The following IQCH variants were observed in gnomAD, a reference collection of about 807,000 sequenced individuals.
IQCH encodes IQ motif containing H.
Under a neutral mutation model 117.0 loss-of-function variants are expected in IQCH, and 98 were observed. That is an observed-to-expected ratio of 0.84 (90% confidence interval 0.71 to 0.99). The LOEUF is 0.99. Ranked by LOEUF, IQCH falls within the 50% of genes least tolerant of loss-of-function variation. The probability of loss-of-function intolerance (pLI) is 0.00; values close to 1 mark genes in which losing one functional copy is unlikely to be tolerated. For missense variants in IQCH, 1,102 were observed against 1,243.8 expected, an observed-to-expected ratio of 0.89 and a Z score of 1.72; for synonymous variants, 412 against 448.2, an observed-to-expected ratio of 0.92 and a Z score of 1.02.
At chr15:67,281,198 G>A (rs1407116914) in intron 4 of IQCH, among the ~76,000 whole-genome samples, 2 of 151,932 alleles carry the variant, frequency 1.3e-5, no homozygotes, top group Non-Finnish European at 2.9e-5. Flanking sequence ...GCTTAATGAG[G>A]GCAGTAACTG....
intron 16 of IQCH, among the ~76,000 whole-genome samples, chr15:67,451,909 T>C (rs2082537435): frequency 6.6e-6 from 1 of 152,244 alleles, no homozygotes; most frequent in Non-Finnish European, 1.5e-5. Flanking sequence ...TGGGTGCTCC[T>C]GTATTGGGTG....
intron 15 of IQCH, among the ~76,000 whole-genome samples, chr15:67,419,629 C>G (rs749701458): frequency 6.6e-6 from 1 of 152,218 alleles, no homozygotes; most frequent in Non-Finnish European, 1.5e-5. Flanking sequence ...TTATAGCTCA[C>G]TGCAGCCTTG....
intron 10 of IQCH, among the ~76,000 whole-genome samples, chr15:67,377,776 G>T (rs1433180845): frequency 6.6e-6 from 1 of 152,088 alleles, no homozygotes. Context: ...AAAAATAGAG[G>T]TGGGATTTTT....
chr15:67,397,664 T>C (rs993126207), intron 13 of IQCH, among the ~76,000 whole-genome samples: 1 of 152,200 alleles, frequency 6.6e-6, no homozygotes, highest in Non-Finnish European at 1.5e-5. Flanking sequence ...TATTTTAACT[T>C]AGGTTATTAT....
intron 12 of IQCH, among the ~76,000 whole-genome samples, chr15:67,389,794 G>A (rs777141409): frequency 4.7e-5 from 7 of 149,854 alleles, no homozygotes; most frequent in Non-Finnish European, 1.0e-4. Flanking sequence ...TATCGCCAAC[G>A]TGATTGCATG....
At chr15:67,418,459 A>G (rs2081631410) in intron 15 of IQCH, among the ~76,000 whole-genome samples, 1 of 151,438 alleles carries the variant, frequency 6.6e-6, no homozygotes. Flanking sequence ...ACCCACTGAT[A>G]GACAAGTAAG....
intron 16 of IQCH, among the ~76,000 whole-genome samples, chr15:67,464,437 A>AT (rs1284517475): frequency 6.6e-6 from 1 of 152,212 alleles, no homozygotes; most frequent in Non-Finnish European, 1.5e-5. Context: ...ACCAATGTCT[A>AT]TTTTTTAAAG....
chr15:67,363,737 T>A (rs532810467), intron 8 of IQCH, among the ~76,000 whole-genome samples: 14 of 152,284 alleles, frequency 9.2e-5, no homozygotes, highest in African/African-American at 3.4e-4. Flanking sequence ...TAGGCCCCTG[T>A]GTCATTCCCT....
Position 67,425,773 on chromosome 15 carries a change from G to A in IQCH, c.2505+4196G>A, listed in dbSNP as rs1481702113. Among the ~76,000 whole-genome samples the A allele has an allele frequency of 6.6e-6, 1 of 151,976 alleles. No individual in the cohort carries two copies. Among genetic ancestry groups the A allele is most frequent in the Non-Finnish European group, 1.5e-5 (1 of 67,994 alleles). ...CTACCACTACGATAGTGGTAATTTTGTATTTCTGTGGAAAATTTTCTGGTA... is the reference window on the plus strand; with the variant it reads ...CTACCACTACGATAGTGGTAATTTTATATTTCTGTGGAAAATTTTCTGGTA... On this transcript the variant is annotated intron_variant, in intron 16 of 20. Transcript: ENST00000335894. The surrounding 1 kb of genome is among the most constrained non-coding windows in gnomAD (Gnocchi z 5.5).
chr15:67,341,655 T>A (rs931246147), intron 5 of IQCH, among the ~76,000 whole-genome samples: 7 of 152,284 alleles, frequency 4.6e-5, no homozygotes, highest in East Asian at 1.9e-4. Flanking sequence ...TGATTTTTTT[T>A]AAAAGTAAAG....
At chr15:67,309,432 C>T (rs148983545) in intron 4 of IQCH, among the ~76,000 whole-genome samples, 1,594 of 152,182 alleles carry the variant, frequency 0.01, 17 homozygotes, top group Middle Eastern at 0.041. Flanking sequence ...TTTTTCAAAT[C>T]CTCCCCTGCA....
intron 5 of IQCH, among the ~76,000 whole-genome samples, chr15:67,337,928 A>C (rs1322204171): frequency 6.6e-6 from 1 of 152,318 alleles, no homozygotes; most frequent in East Asian, 1.9e-4. Context: ...GCTTCTAGCT[A>C]CTGCATCTTC....
At chr15:67,302,957 A>T (rs76260887) in intron 4 of IQCH, among the ~76,000 whole-genome samples, 2,025 of 152,350 alleles carry the variant, frequency 0.013, 41 homozygotes, top group African/African-American at 0.046. Flanking sequence ...ATCTATGCTT[A>T]TCTAGCATAC....
chr15:67,398,857 T>C (rs1012800841), intron 13 of IQCH, among the ~76,000 whole-genome samples: 11 of 152,172 alleles, frequency 7.2e-5, no homozygotes, highest in Non-Finnish European at 1.5e-4. Flanking sequence ...AAAAGCTTAG[T>C]GTTATTTTGT....
chr15:67,257,465 G>A (rs918680169), intron 1 of IQCH, among the ~76,000 whole-genome samples: 6 of 152,190 alleles, frequency 3.9e-5, no homozygotes, highest in African/African-American at 1.4e-4. Flanking sequence ...GGTTCTCAAA[G>A]GTGTTGTAAG....
chr15:67,326,319 G>A (rs1968406563), intron 4 of IQCH, among the ~76,000 whole-genome samples: 1 of 152,174 alleles, frequency 6.6e-6, no homozygotes, highest in Non-Finnish European at 1.5e-5. Context: ...TGGATGCATA[G>A]TATTCCATGG....
intron 6 of IQCH, among the ~76,000 whole-genome samples, chr15:67,351,470 G>A (rs1301394620): frequency 6.6e-6 from 1 of 152,154 alleles, no homozygotes; most frequent in Admixed American, 6.5e-5. Flanking sequence ...CAGTGCTGCC[G>A]TGCATTCCTT....
chr15:67,468,211 G>T (rs574034581), intron 17 of IQCH, among the ~76,000 whole-genome samples: 1 of 152,144 alleles, frequency 6.6e-6, no homozygotes, highest in South Asian at 2.1e-4. Flanking sequence ...CCATACCATG[G>T]TTGGTGAGTG....
Position 67,490,139 on chromosome 15 carries a change from C to A in IQCH, c.2861+75C>A. 1 of 978,682 alleles carries A rather than the reference C, an allele frequency of 1.0e-6. No homozygotes were observed. Among genetic ancestry groups the A allele is most frequent in the Non-Finnish European group, 1.6e-6 (1 of 614,348 alleles). The allele number at this position is 978,682 out of a possible 1,614,324, so 60.6% of individuals were successfully genotyped here. A position where few individuals can be genotyped will look rare whatever the true frequency, so the allele number is the denominator to read the frequency against. On this transcript the variant is annotated intron_variant, in intron 19 of 20. Transcript: ENST00000335894. This position sits in a 1 kb window ranked among gnomAD's most constrained non-coding sequence, Gnocchi z 4.9. ...ATCACAACTAACAAGAATGATGCTTCTCATGCATTTTAATCAGCATGCTGA... is the reference window on the plus strand; with the variant it reads ...ATCACAACTAACAAGAATGATGCTTATCATGCATTTTAATCAGCATGCTGA...
Sources: allele counts gnomAD v4.1 joint callset (sites outside exome capture counted in the v4.1 genomes callset), GRCh38; gene constraint gnomAD v4.1.1; non-coding constraint Gnocchi (gnomAD v3.1); transcripts MANE v1.5; gene names NCBI Gene and HGNC (gene_info 2026-07-23, HGNC 2026-07-21).